FGA: variants seen among roughly 807,000 people sequenced by gnomAD.
FGA encodes fibrinogen, A alpha polypeptide.
Under a neutral mutation model 20.3 loss-of-function variants are expected in FGA, and 20 were observed. That is an observed-to-expected ratio of 0.99 (90% CI 0.69 to 1.43). The LOEUF (loss-of-function observed/expected upper bound fraction) is 1.43. Ranked by LOEUF, FGA falls within the 40% of genes most tolerant of loss-of-function variation. FGA has a pLI of 0.00. For synonymous variants in FGA, 306 were observed against 281.6 expected (o/e 1.09, Z -0.87); for missense variants, 777 against 784.7 (o/e 0.99, Z 0.12).
Position 154,585,452 on chromosome 4 carries a change from C to G in FGA, c.*42G>C, listed in dbSNP as rs946451328. On this transcript the variant is annotated 3_prime_UTR_variant, in exon 5 of 5. Transcript: ENST00000403106. ...GTAACAGAGAGTTAAGAAGGAAATG[C>G]AAGGGGCCATGGGAACACTGTGCAG... The G allele has an allele frequency of 1.4e-5, 19 of 1,368,600 alleles. No individual in the cohort carries two copies. The highest frequency in any genetic ancestry group is 2.0e-5 in the Non-Finnish European group (19 of 960,626). The allele number at this position is 1,368,600 out of a possible 1,614,324, so 84.8% of individuals were successfully genotyped here.
chr4:154,585,795 T>C lies in FGA; in HGVS notation c.1634A>G (p.Glu545Gly). ...GATGCCAGATTCTGAGCCCCTAGAC[T>C]CAGTCTCACTGACAAACTCTCCTAA... ...PMLGEFVSET[E>G]SRGSESGIFT... The change falls in exon 5 of 5, where the codon GAG (glutamate) becomes GGG (glycine). Residue 545 changes from glutamate (E) to glycine (G), a missense_variant. Physicochemically the swap from Glu to Gly is moderately conservative, Grantham distance 98. Transcript: ENST00000403106. 1 of 1,614,136 alleles carries C rather than the reference T, an allele frequency of 6.2e-7. No individual in the cohort carries two copies.
chr4:154,590,520 G>T, intron 1 of FGA, 114 bp downstream of exon 1: 1 of 908,410 alleles, frequency 1.1e-6, no homozygotes, highest in Non-Finnish European at 1.8e-6. Flanking sequence ...CCAGGCCTGG[G>T]GTCATAAAGC....
intron 3 of FGA, 126 bp from the exon 4 acceptor site, chr4:154,587,783 G>GAAAGAAAGAA: frequency 1.4e-6 from 1 of 704,868 alleles, no homozygotes; most frequent in African/African-American, 1.8e-5. Context: ...AAGAAAGAAA[G>GAAAGAAAGAA]AAAGAAAGAA....
intron 3 of FGA, 42 bp from the exon 4 acceptor site, chr4:154,587,699 T>A: frequency 6.3e-7 from 1 of 1,585,010 alleles, no homozygotes; most frequent in South Asian, 1.1e-5. Flanking sequence ...TGCTGAGTGA[T>A]TTGTCTGTAA....
downstream of FGA, chr4:154,584,048 A>G (rs1578792893): frequency 5.0e-6 from 6 of 1,211,176 alleles, no homozygotes; most frequent in East Asian, 1.2e-4. Flanking sequence ...GAGAATCTCA[A>G]CTGCTTTACC....
intron 3 of FGA, 61 bp downstream of exon 3, chr4:154,588,732 T>A: frequency 8.4e-7 from 1 of 1,190,724 alleles, no homozygotes; most frequent in Non-Finnish European, 1.3e-6. Context: ...GGATATCATA[T>A]TTATTTAGGA....
rs754552909 is a variant in FGA, at chr4:154,585,319, A to G, written c.*175T>C. 4 of 1,201,134 alleles carry G rather than the reference A, an allele frequency of 3.3e-6. No individual in the cohort carries two copies. Among genetic ancestry groups the G allele is most frequent in the Non-Finnish European group, 3.4e-6 (3 of 882,348 alleles). 74.4% of individuals were successfully genotyped at this position (1,201,134 alleles called of 1,614,324 possible). A position where few individuals can be genotyped will look rare whatever the true frequency, so the allele number is the denominator to read the frequency against. ...TGTATTTATTGAGTCATGGCTCTGT[A>G]CTGTTAGGCATTTGGGAATACAGAG... On this transcript the variant is annotated 3_prime_UTR_variant, in exon 5 of 5. Coordinates refer to ENST00000403106, the MANE Select transcript of FGA (RefSeq NM_021871.4).
At chr4:154,586,978 A>G (rs533323832) in intron 4 of FGA, 60 bp from the exon 5 acceptor site, 350 of 1,529,406 alleles carry the variant, frequency 2.3e-4, no homozygotes, top group Admixed American at 5.4e-4. Context: ...AACTACGTCT[A>G]TTGAGTTCCT....
rs555704618 is a variant in FGA at position 154,586,581 on chromosome 4, G to T, written c.848C>A (p.Thr283Lys). The T allele has an allele frequency of 1.2e-6, 2 of 1,613,920 alleles. No individual in the cohort carries two copies. The highest frequency in any genetic ancestry group is 2.7e-5 in the African/African-American group (2 of 74,888). ...ACTGCTAGGGTTCCTGGGGCTTTCCGTCTCTGATCCGGTTCCATAAGAGGT... is the reference window on the plus strand; with the variant it reads ...ACTGCTAGGGTTCCTGGGGCTTTCCTTCTCTGATCCGGTTCCATAAGAGGT... ...GSTSYGTGSE[T>K]ESPRNPSSAG... The change falls in exon 5 of 5, where the codon ACG becomes AAG. Residue 283 changes from threonine (T) to lysine (K), a missense_variant. Coordinates refer to ENST00000403106, the MANE Select transcript of FGA (RefSeq NM_021871.4).
downstream of FGA, chr4:154,584,272 T>C (rs754563069): frequency 6.2e-7 from 1 of 1,614,114 alleles, no homozygotes; most frequent in South Asian, 1.1e-5. Flanking sequence ...GTAGATTCCA[T>C]TGAGATTGGC....
chr4:154,587,132 A>C (rs567496155), intron 4 of FGA, among the ~76,000 whole-genome samples: 1 of 152,168 alleles, frequency 6.6e-6, no homozygotes. Flanking sequence ...TAAGCAATGG[A>C]TGCTGTTTAA....
At chr4:154,583,637 A>C (rs1730638330), downstream of FGA, 1 of 155,902 alleles carries the variant, frequency 6.4e-6, no homozygotes, top group Admixed American at 6.3e-5. Flanking sequence ...TTGTAATTAT[A>C]AATTGTGCAT....
chr4:154,583,648 T>C (rs1000929581), downstream of FGA: 10 of 157,156 alleles, frequency 6.4e-5, no homozygotes, highest in African/African-American at 2.4e-4. Flanking sequence ...AATTGTGCAT[T>C]GTAATTATAA....
chr4:154,584,233 T>G, downstream of FGA: 2 of 1,614,008 alleles, frequency 1.2e-6, no homozygotes, highest in South Asian at 2.2e-5. Context: ...AGGACTGTTA[T>G]TCCTTGGGTC....
intron 1 of FGA, 120 bp from the exon 2 acceptor site, chr4:154,589,682 G>A: frequency 1.8e-6 from 2 of 1,110,870 alleles, no homozygotes; most frequent in Non-Finnish European, 2.7e-6. Flanking sequence ...ATTAAGGAGA[G>A]CAGACACAGG....
chr4:154,588,844 A>G lies in FGA; in HGVS notation c.313T>C (p.Leu105=), dbSNP rs147070445. 1.6e-5 allele frequency: 26 copies of G among 1,612,376 alleles called. No individual in the cohort carries two copies. Among genetic ancestry groups the G allele is most frequent in the African/African-American group, 2.7e-5 (2 of 74,906 alleles). The change falls in exon 3 of 5, where the codon TTG becomes CTG. Residue 105 remains leucine, a synonymous_variant. Transcript: ENST00000403106. ...YQKNNKDSHS[L]TTNIMEILRG... is the part of the protein sequence containing the mutation. ...AAAATTTCCATTATATTAGTGGTCA[A>G]CGAATGAGAATCCTTATTGTTCTTC...
chr4:154,585,073 T>C (rs1730674011), downstream of FGA, among the ~76,000 whole-genome samples: 1 of 152,234 alleles, frequency 6.6e-6, no homozygotes, highest in Non-Finnish European at 1.5e-5. Flanking sequence ...GGAATTTTAC[T>C]TGCACAAACT....
chr4:154,587,785 A>AAG (rs1219743180), intron 3 of FGA, 128 bp from the exon 4 acceptor site: 2 of 724,484 alleles, frequency 2.8e-6, no homozygotes, highest in Admixed American at 5.4e-5. Context: ...GAAAGAAAGA[A>AAG]AGAAAGAAAG....
At chr4:154,588,279 C>T (rs1730786099) in intron 3 of FGA, among the ~76,000 whole-genome samples, 3 of 152,186 alleles carry the variant, frequency 2.0e-5, no homozygotes, top group African/African-American at 7.2e-5. Flanking sequence ...CCTAGACTCG[C>T]TGTCCATGCC....
Sources: allele counts gnomAD v4.1 joint callset (sites outside exome capture counted in the v4.1 genomes callset), GRCh38; gene constraint gnomAD v4.1.1; transcripts MANE v1.5; gene names NCBI Gene and HGNC (gene_info 2026-07-23, HGNC 2026-07-21).